Variants in SPSB1 observed in about 807,000 individuals in gnomAD.
The protein encoded by SPSB1 is SPRY domain-containing SOCS box protein 1.
A neutral mutation model predicts 21.2 loss-of-function variants in SPSB1; 8 were observed. That is an observed-to-expected ratio of 0.38 (90% CI 0.22 to 0.68). The LOEUF (loss-of-function observed/expected upper bound fraction) is 0.68, where lower values mean the gene tolerates loss of function less well. SPSB1 is among the 30% of genes least tolerant of loss of function. The pLI is 0.53. For missense variants in SPSB1, 242 were observed against 377.8 expected, an observed-to-expected ratio of 0.64 and a Z score of 2.98; for synonymous variants, 169 against 161.7, an observed-to-expected ratio of 1.05 and a Z score of -0.34.
At chr1:9,342,365 C>A (rs56168702) in intron 1 of SPSB1, among the ~76,000 whole-genome samples, 3,785 of 152,296 alleles carry the variant, frequency 0.025, 62 homozygotes, top group Non-Finnish European at 0.035. Context: ...GCCTGGGGCA[C>A]CCCTAGCTGT....
intron 1 of SPSB1, among the ~76,000 whole-genome samples, chr1:9,296,958 T>G (rs1443937094): frequency 6.6e-6 from 1 of 152,218 alleles, no homozygotes; most frequent in Non-Finnish European, 1.5e-5. Flanking sequence ...AGTCCAGTGG[T>G]CATGAGACAG....
Position 9,367,450 on chromosome 1 carries a change from G to T in SPSB1, c.697G>T (p.Glu233Ter). ...CTGCAGTTTCTCTGTCTCCCCAGCC[G>T]AGCCGCTGCCGCTCATGGATTTGTG... ...RMRYLNGLDP[E>*]PLPLMDLCRR... The change falls in exon 3 of 3, where the codon GAG becomes TAG. Residue 233 changes from glutamate (E) to a stop codon, truncating the protein, a stop_gained and splice_region_variant. Transcript: ENST00000328089. LOFTEE classifies it high-confidence loss of function. This position sits in a 1 kb window ranked among gnomAD's most constrained non-coding sequence, Gnocchi z 5.9. 6.2e-7 allele frequency: 1 copy of T among 1,613,602 alleles called. No individual in the cohort carries two copies. The highest frequency in any genetic ancestry group is 8.5e-7 in the Non-Finnish European group (1 of 1,179,950).
chr1:9,325,222 ACCAC>A (rs1639796708), intron 1 of SPSB1, among the ~76,000 whole-genome samples: 1 of 23,462 alleles, frequency 4.3e-5, no homozygotes, highest in African/African-American at 8.3e-5. Context: ...GCCTCCCACC[ACCAC>A]CCCCCCCCCC....
At chr1:9,299,717 G>A (rs1264045244) in intron 1 of SPSB1, among the ~76,000 whole-genome samples, 3 of 152,074 alleles carry the variant, frequency 2.0e-5, no homozygotes, top group African/African-American at 7.2e-5. Flanking sequence ...GACACCAAGT[G>A]ATTCACCCGC....
chr1:9,358,804 C>T lies in SPSB1; in HGVS notation c.694+2219C>T, dbSNP rs527426613. Among the ~76,000 whole-genome samples the T allele has an allele frequency of 9.2e-5, 14 of 152,234 alleles. No individual in the cohort carries two copies. In the East Asian group the frequency reaches 9.7e-4, roughly 10 times the overall value. On this transcript the variant is annotated intron_variant, in intron 2 of 2. Coordinates refer to ENST00000328089, the MANE Select transcript of SPSB1 (RefSeq NM_025106.4). ...TGAGCTCTGGGTTTGCACAGCTTCA[C>T]GGTTATGTATCATAGCTCCAGTACA...
intron 1 of SPSB1, chr1:9,351,337 G>A (rs1283317074): frequency 6.6e-6 from 1 of 152,304 alleles, no homozygotes; most frequent in African/African-American, 2.4e-5. Flanking sequence ...AGGGCCAGAT[G>A]TGGTGACCAG....
chr1:9,325,998 C>T (rs1225486238), intron 1 of SPSB1, among the ~76,000 whole-genome samples: 2 of 152,082 alleles, frequency 1.3e-5, no homozygotes, highest in Non-Finnish European at 2.9e-5. Context: ...GACAGAGTGT[C>T]CTGGGTCCTG....
At chr1:9,332,629 A>T (rs912158431) in intron 1 of SPSB1, among the ~76,000 whole-genome samples, 3 of 152,328 alleles carry the variant, frequency 2.0e-5, no homozygotes, top group South Asian at 4.1e-4. Context: ...CCTCAAAAAC[A>T]TCTGTGTGTA....
At chr1:9,312,769 A>G (rs1323207288) in intron 1 of SPSB1, among the ~76,000 whole-genome samples, 1 of 151,974 alleles carries the variant, frequency 6.6e-6, no homozygotes, top group East Asian at 1.9e-4. Context: ...GATTTTTTCA[A>G]CCTGGTCAGT....
intron 1 of SPSB1, among the ~76,000 whole-genome samples, chr1:9,334,721 C>G (rs1421103983): frequency 6.6e-6 from 1 of 152,230 alleles, no homozygotes. Flanking sequence ...CCCGGAGCTC[C>G]TGGCAACCAC....
chr1:9,340,284 G>C (rs932763656), intron 1 of SPSB1, among the ~76,000 whole-genome samples: 8 of 152,176 alleles, frequency 5.3e-5, no homozygotes, highest in African/African-American at 1.7e-4. Context: ...GAGGGGCCTG[G>C]GGGGGAAGGC....
At chr1:9,309,356 C>T (rs925820813) in intron 1 of SPSB1, among the ~76,000 whole-genome samples, 3 of 151,512 alleles carry the variant, frequency 2.0e-5, no homozygotes, top group African/African-American at 7.3e-5. Flanking sequence ...CTCTCTCTGT[C>T]ACCCAGGCTG....
At position 9,355,814 on chromosome 1, in the gene SPSB1, T is replaced by G; in HGVS notation, c.-78T>G. ...CATTAGGAATTCTGTCTGGCCCCGA[T>G]CAGAATACTGGAGACGAGACCACGA... On this transcript the variant is annotated 5_prime_UTR_variant, in exon 2 of 3. Transcript: ENST00000328089. The G allele has an allele frequency of 6.7e-7, 1 of 1,503,708 alleles. No homozygotes were observed. The highest frequency in any genetic ancestry group is 1.4e-5 in the South Asian group (1 of 72,524). 93.1% of individuals were successfully genotyped at this position (1,503,708 alleles called of 1,614,324 possible).
intron 1 of SPSB1, among the ~76,000 whole-genome samples, chr1:9,338,956 T>C (rs897918425): frequency 1.3e-5 from 2 of 152,118 alleles, no homozygotes; most frequent in Admixed American, 6.5e-5. Flanking sequence ...CCGATTACCT[T>C]GTAATTGTTC....
In SPSB1 at chr1:9,338,738, C is replaced by T. The variant is rs185268163; in HGVS notation, c.-149-17005C>T. 2.0e-3 allele frequency among the ~76,000 whole-genome samples: 302 copies of T among 152,310 alleles called. 1 individual carries two copies. The highest frequency in any genetic ancestry group is 6.7e-3 in the African/African-American group (277 of 41,584). ...TTTGAGGTCTGAGGGGGCGTCACCTCCCCCATATGACTTCGTGGCTGTGAA... is the reference window on the plus strand; with the variant it reads ...TTTGAGGTCTGAGGGGGCGTCACCTTCCCCATATGACTTCGTGGCTGTGAA... On this transcript the variant is annotated intron_variant, in intron 1 of 2. Coordinates refer to ENST00000328089, the MANE Select transcript of SPSB1 (RefSeq NM_025106.4).
intron 1 of SPSB1, among the ~76,000 whole-genome samples, chr1:9,327,365 A>G (rs943084512): frequency 1.8e-4 from 27 of 152,246 alleles, no homozygotes. Flanking sequence ...TACATGCTTA[A>G]AAGTCGATCG....
At chr1:9,343,634 G>A (rs183441135) in intron 1 of SPSB1, among the ~76,000 whole-genome samples, 17 of 152,170 alleles carry the variant, frequency 1.1e-4, no homozygotes, top group Admixed American at 1.3e-4. Context: ...TCATTTCTCC[G>A]GGCTCCTTTC....
In SPSB1 at chr1:9,324,188, G is replaced by T. The variant is rs534364720; in HGVS notation, c.-150+31117G>T. Among the ~76,000 whole-genome samples, 1 of 152,130 alleles carries T rather than the reference G, an allele frequency of 6.6e-6. No homozygotes were observed. Among genetic ancestry groups the T allele is most frequent in the East Asian group, 1.9e-4 (1 of 5,194 alleles). On this transcript the variant is annotated intron_variant, in intron 1 of 2. Coordinates refer to ENST00000328089, the MANE Select transcript of SPSB1 (RefSeq NM_025106.4). The surrounding 1 kb of genome is among the most constrained non-coding windows in gnomAD (Gnocchi z 4.3). Reference sequence around the variant, plus strand: ...AGATAATCACTGGTTTTTCTCATCCGGCAAGTGGACACCTCTGACGCAGCT... The same window carrying T: ...AGATAATCACTGGTTTTTCTCATCCTGCAAGTGGACACCTCTGACGCAGCT...
At chr1:9,353,397 C>A (rs1640303702) in intron 1 of SPSB1, among the ~76,000 whole-genome samples, 1 of 152,070 alleles carries the variant, frequency 6.6e-6, no homozygotes, top group South Asian at 2.1e-4. Flanking sequence ...GGAGGGAGTC[C>A]TAGAGGTTTC....
Sources: allele counts gnomAD v4.1 joint callset (sites outside exome capture counted in the v4.1 genomes callset), GRCh38; gene constraint gnomAD v4.1.1; non-coding constraint Gnocchi (gnomAD v3.1); transcripts MANE v1.5; gene names NCBI Gene and HGNC (gene_info 2026-07-23, HGNC 2026-07-21).